The following DNM3 variants were observed in gnomAD, a reference collection of about 807,000 sequenced individuals.
DNM3 encodes dynamin 3.
In DNM3, 47 loss-of-function variants were observed where a neutral mutation model predicts 101.6. The observed-to-expected ratio is 0.46, with a 90% CI of 0.37 to 0.59. The LOEUF (loss-of-function observed/expected upper bound fraction) is 0.59, where lower values mean the gene tolerates loss of function less well. Among genes scored for constraint, DNM3 ranks in the 20% least tolerant of loss-of-function variants. DNM3 has a pLI of 0.00. For synonymous variants in DNM3, 385 were observed against 387.9 expected (o/e 0.99, Z 0.09); for missense variants, 849 against 1,085.7 (o/e 0.78, Z 3.06).
intron 17 of DNM3, among the ~76,000 whole-genome samples, chr1:172,327,101 T>G (rs748262902): frequency 6.6e-5 from 10 of 152,088 alleles, no homozygotes; most frequent in Non-Finnish European, 1.3e-4. Flanking sequence ...AAGCAAAAAT[T>G]TTATACATAT....
chr1:172,212,690 C>T (rs1331609800), intron 14 of DNM3, among the ~76,000 whole-genome samples: 1 of 152,124 alleles, frequency 6.6e-6, no homozygotes, highest in African/African-American at 2.4e-5. Flanking sequence ...AACTTATGCT[C>T]TTAGAAATTA....
chr1:171,956,332 T>C (rs2125477927), intron 2 of DNM3, among the ~76,000 whole-genome samples: 1 of 152,250 alleles, frequency 6.6e-6, no homozygotes, highest in East Asian at 1.9e-4. Flanking sequence ...CCATTCCAAA[T>C]GGGAGAAATT....
chr1:172,323,649 C>T (rs6682381), intron 17 of DNM3, among the ~76,000 whole-genome samples: 52,993 of 152,018 alleles, frequency 0.35, 10,360 homozygotes, highest in African/African-American at 0.54. Context: ...TAATGAGGAC[C>T]CTTCTGCAGA....
At chr1:171,980,794 A>G (rs1419009338) in intron 2 of DNM3, among the ~76,000 whole-genome samples, 1 of 139,180 alleles carries the variant, frequency 7.2e-6, no homozygotes, top group Non-Finnish European at 1.5e-5. Flanking sequence ...TTTTTGAGAC[A>G]GAGTCTCACT....
At chr1:171,921,921 GC>G in intron 2 of DNM3, 100 bp downstream of exon 2, 1 of 1,013,242 alleles carries the variant, frequency 9.9e-7, no homozygotes, top group Non-Finnish European at 1.5e-6. Context: ...TTTTGTGATC[GC>G]CCCACTGTGG....
chr1:171,961,642 T>C (rs568535265), intron 2 of DNM3, among the ~76,000 whole-genome samples: 1 of 152,334 alleles, frequency 6.6e-6, no homozygotes, highest in Non-Finnish European at 1.5e-5. Context: ...CAAACAGATA[T>C]GTGCCCACCA....
chr1:172,412,831 T>TAAAG, downstream of DNM3: 1 of 782,380 alleles, frequency 1.3e-6, no homozygotes, highest in Non-Finnish European at 1.6e-6. Flanking sequence ...GTTACCAAAG[T>TAAAG]AAAGAATGAT....
intron 1 of DNM3, among the ~76,000 whole-genome samples, chr1:171,858,148 G>A (rs1271095943): frequency 6.6e-6 from 1 of 152,134 alleles, no homozygotes; most frequent in African/African-American, 2.4e-5. Flanking sequence ...AACTTGTATT[G>A]AGTTTTTGCT....
chr1:171,853,222 G>A (rs1440822534), intron 1 of DNM3, among the ~76,000 whole-genome samples: 1 of 152,006 alleles, frequency 6.6e-6, no homozygotes, highest in East Asian at 1.9e-4. Flanking sequence ...GGAGGGCAAT[G>A]GCATGAAAAC....
At chr1:172,392,262 T>C (rs896281407) in intron 20 of DNM3, among the ~76,000 whole-genome samples, 7 of 152,158 alleles carry the variant, frequency 4.6e-5, no homozygotes, top group African/African-American at 1.7e-4. Flanking sequence ...CCCAAAGAGA[T>C]TCACTAGTAT....
intron 13 of DNM3, among the ~76,000 whole-genome samples, chr1:172,101,850 G>C (rs892403885): frequency 1.3e-5 from 2 of 151,718 alleles, no homozygotes; most frequent in African/African-American, 4.8e-5. Context: ...ACATTAATTT[G>C]CTTTTTTTAT....
intron 15 of DNM3, among the ~76,000 whole-genome samples, chr1:172,304,450 C>A (rs1043691550): frequency 6.6e-6 from 1 of 152,046 alleles, no homozygotes; most frequent in Admixed American, 6.6e-5. Context: ...TTTTAACACC[C>A]ACTGTCAATA....
chr1:172,049,499 A>G (rs2050054790), intron 10 of DNM3, among the ~76,000 whole-genome samples: 1 of 152,172 alleles, frequency 6.6e-6, no homozygotes, highest in South Asian at 2.1e-4. Flanking sequence ...TATGCTGTAG[A>G]GTGCTGGGGC....
At chr1:172,103,508 C>A (rs974379711) in intron 13 of DNM3, among the ~76,000 whole-genome samples, 1 of 152,136 alleles carries the variant, frequency 6.6e-6, no homozygotes, top group South Asian at 2.1e-4. Context: ...ATGGATGTGC[C>A]ATACTTAATT....
intron 14 of DNM3, among the ~76,000 whole-genome samples, chr1:172,168,624 G>C (rs904231551): frequency 2.0e-5 from 3 of 151,918 alleles, no homozygotes; most frequent in African/African-American, 7.2e-5. Flanking sequence ...TGACTTAGTT[G>C]AAAGTATTCT....
chr1:172,210,447 G>A (rs1334287126), intron 14 of DNM3, among the ~76,000 whole-genome samples: 1 of 151,202 alleles, frequency 6.6e-6, no homozygotes, highest in East Asian at 2.0e-4. Flanking sequence ...AAGAACTGAG[G>A]TTGAAGAATG....
chr1:172,156,277 A>G (rs1464897350), intron 14 of DNM3, among the ~76,000 whole-genome samples: 1 of 152,088 alleles, frequency 6.6e-6, no homozygotes, highest in African/African-American at 2.4e-5. Flanking sequence ...TATAGATAAC[A>G]GCTCAGTTAG....
chr1:172,075,800 C>T (rs1254524208), intron 11 of DNM3, among the ~76,000 whole-genome samples: 1 of 152,092 alleles, frequency 6.6e-6, no homozygotes, highest in African/African-American at 2.4e-5. Context: ...TATATGGGCT[C>T]TTTTTTGGTT....
intron 14 of DNM3, among the ~76,000 whole-genome samples, chr1:172,158,525 G>C (rs1305279468): frequency 6.7e-6 from 1 of 148,986 alleles, no homozygotes; most frequent in East Asian, 2.0e-4. Context: ...GCAGTGAGAA[G>C]AGAGGGAAAC....
Sources: allele counts gnomAD v4.1 joint callset (sites outside exome capture counted in the v4.1 genomes callset), GRCh38; gene constraint gnomAD v4.1.1; transcripts MANE v1.5; gene names NCBI Gene and HGNC (gene_info 2026-07-23, HGNC 2026-07-21).